Variants in ARHGAP12 observed in about 807,000 individuals in gnomAD.
ARHGAP12 encodes rho GTPase-activating protein 12.
A neutral mutation model predicts 108.6 loss-of-function variants in ARHGAP12; 64 were observed. The ratio of observed to expected loss-of-function variants is 0.59; its 90% CI spans 0.48 to 0.73. ARHGAP12 has a LOEUF of 0.73. Ranked by LOEUF, ARHGAP12 falls within the 30% of genes least tolerant of loss-of-function variation. ARHGAP12 has a pLI of 0.00. For missense variants in ARHGAP12, 940 were observed against 1,005.9 expected, an observed-to-expected ratio of 0.93 and a Z score of 0.89; for synonymous variants, 312 against 337.2, an observed-to-expected ratio of 0.93 and a Z score of 0.82.
Position 31,908,886 on chromosome 10 carries a change from T to C in ARHGAP12, c.-31A>G. 6.5e-7 allele frequency: 1 copy of C among 1,529,438 alleles called. No homozygotes were observed. Among genetic ancestry groups the C allele is most frequent in the Non-Finnish European group, 8.8e-7 (1 of 1,139,582 alleles). The allele number at this position is 1,529,438 out of a possible 1,614,324, so 94.7% of individuals were successfully genotyped here. A position where few individuals can be genotyped will look rare whatever the true frequency, so the allele number is the denominator to read the frequency against. On this transcript the variant is annotated 5_prime_UTR_variant, in exon 3 of 20. It adds an upstream start codon to the 5' untranslated region. Transcript: ENST00000344936. ...AATATTCACCTCTCAAAAAGGATGT[T>C]ATACCACATTATGGCTTTATGGCTT...
chr10:31,866,095 A>C (rs976174794), intron 3 of ARHGAP12, among the ~76,000 whole-genome samples: 7 of 152,206 alleles, frequency 4.6e-5, no homozygotes, highest in African/African-American at 1.4e-4. Flanking sequence ...TATTATTGCA[A>C]TTAACATAAC....
chr10:31,908,192 T>C lies in ARHGAP12; in HGVS notation c.664A>G (p.Ser222Gly). 1 of 1,606,306 alleles carries C rather than the reference T, an allele frequency of 6.2e-7. No homozygotes were observed. Among genetic ancestry groups the C allele is most frequent in the Non-Finnish European group, 8.5e-7 (1 of 1,176,502 alleles). Reference protein sequence around the residue: ...DSESGDELSSSSTEQIRATTP... With the variant: ...DSESGDELSSGSTEQIRATTP... ...CTTACCCTTATCTGTTCAGTGGAGC[T>C]GCTGCTAAGTTCATCACCAGATTCA... The change falls in exon 3 of 20, where the codon AGC (serine) becomes GGC (glycine). Residue 222 changes from serine to glycine, a missense_variant. By Grantham distance (56) the Ser-to-Gly change is moderately conservative. Transcript: ENST00000344936.
At chr10:31,895,689 C>T (rs1838652726) in intron 3 of ARHGAP12, among the ~76,000 whole-genome samples, 1 of 152,164 alleles carries the variant, frequency 6.6e-6, no homozygotes, top group Non-Finnish European at 1.5e-5. Flanking sequence ...GGCGATTCCT[C>T]AAGGATCTAG....
chr10:31,858,326 C>T (rs906162675), intron 4 of ARHGAP12, among the ~76,000 whole-genome samples: 6 of 152,132 alleles, frequency 3.9e-5, no homozygotes, highest in African/African-American at 1.4e-4. Context: ...AATTGAAATA[C>T]AACATATGAC....
At chr10:31,895,102 G>C (rs1838623032) in intron 3 of ARHGAP12, among the ~76,000 whole-genome samples, 1 of 152,186 alleles carries the variant, frequency 6.6e-6, no homozygotes, top group Non-Finnish European at 1.5e-5. Context: ...ATTAATTCAA[G>C]ATGGATTAAA....
intron 1 of ARHGAP12, among the ~76,000 whole-genome samples, chr10:31,911,837 C>T (rs1177312645): frequency 6.6e-6 from 1 of 152,128 alleles, no homozygotes; most frequent in East Asian, 1.9e-4. Context: ...GAATGTGAGA[C>T]ATTCTATTAG....
intron 3 of ARHGAP12, among the ~76,000 whole-genome samples, chr10:31,905,655 A>G (rs1257761466): frequency 6.6e-6 from 1 of 152,190 alleles, no homozygotes; most frequent in East Asian, 1.9e-4. Flanking sequence ...TAAATGCTGA[A>G]AACACTTGAC....
At chr10:31,842,194 G>A (rs954151656) in intron 7 of ARHGAP12, among the ~76,000 whole-genome samples, 11 of 152,178 alleles carry the variant, frequency 7.2e-5, no homozygotes, top group East Asian at 1.9e-4. Context: ...ATTTGTTCTG[G>A]TATGAAGAGG....
At position 31,908,772 on chromosome 10, in the gene ARHGAP12, C is replaced by T; in HGVS notation, c.84G>A (p.Lys28=). The change falls in exon 3 of 20, where the codon AAG becomes AAA. Residue 28 remains lysine (K), a synonymous_variant. Transcript: ENST00000344936. ...CTTGTTTTATCACAATCTTTCTGTC[C>T]TTTGCTTCATATTCATAATCATATT... is the stretch of plus-strand genomic sequence containing the variant. ...EVEYDYEYEA[K]DRKIVIKQGE... 6.2e-7 allele frequency: 1 copy of T among 1,612,990 alleles called. No homozygotes were observed. Among genetic ancestry groups the T allele is most frequent in the South Asian group, 1.1e-5 (1 of 91,080 alleles).
At chr10:31,811,194 T>C (rs1190768415) in intron 15 of ARHGAP12, among the ~76,000 whole-genome samples, 1 of 152,210 alleles carries the variant, frequency 6.6e-6, no homozygotes, top group Non-Finnish European at 1.5e-5. Context: ...ATAAGTTTCA[T>C]GAGGGAGAGG....
chr10:31,905,009 T>C (rs112791173), intron 3 of ARHGAP12, among the ~76,000 whole-genome samples: 386 of 152,150 alleles, frequency 2.5e-3, no homozygotes, highest in African/African-American at 9.0e-3. Context: ...TGATCAGTAG[T>C]GATGTAAGTC....
At chr10:31,841,012 T>G (rs1049129293) in intron 7 of ARHGAP12, among the ~76,000 whole-genome samples, 1 of 152,134 alleles carries the variant, frequency 6.6e-6, no homozygotes, top group African/African-American at 2.4e-5. Context: ...ATGGAAGATC[T>G]GATGATTCAT....
At chr10:31,816,634 C>G (rs1177176186) in intron 13 of ARHGAP12, among the ~76,000 whole-genome samples, 2 of 152,088 alleles carry the variant, frequency 1.3e-5, no homozygotes, top group African/African-American at 4.8e-5. Flanking sequence ...CAGATTGGGC[C>G]TACACCGCTG....
chr10:31,860,385 T>C (rs532607901), intron 4 of ARHGAP12, among the ~76,000 whole-genome samples: 1 of 152,322 alleles, frequency 6.6e-6, no homozygotes, highest in African/African-American at 2.4e-5. Context: ...TTTCACTCTA[T>C]TCTACCAATC....
chr10:31,860,722 T>C (rs1837081374), intron 4 of ARHGAP12, among the ~76,000 whole-genome samples: 1 of 152,140 alleles, frequency 6.6e-6, no homozygotes, highest in African/African-American at 2.4e-5. Flanking sequence ...ACTAAGCCAA[T>C]AGAGAAATAT....
chr10:31,880,497 T>C (rs148119062), intron 3 of ARHGAP12, among the ~76,000 whole-genome samples: 2 of 147,038 alleles, frequency 1.4e-5, no homozygotes, highest in Non-Finnish European at 3.1e-5. Context: ...TTTGTTTAAT[T>C]TAATGGGTTC....
At chr10:31,926,507 C>G (rs1474987297) in intron 1 of ARHGAP12, among the ~76,000 whole-genome samples, 1 of 152,184 alleles carries the variant, frequency 6.6e-6, no homozygotes, top group East Asian at 1.9e-4. Flanking sequence ...TTGTTAAATA[C>G]AGGACAAAAG....
chr10:31,839,785 G>A, intron 7 of ARHGAP12, 74 bp from the exon 8 acceptor site: 15 of 1,242,150 alleles, frequency 1.2e-5, no homozygotes, highest in Non-Finnish European at 1.6e-5. Flanking sequence ...CACAGTGGGA[G>A]AGCTTAGTAA....
chr10:31,847,745 C>T (rs147110472), intron 6 of ARHGAP12, among the ~76,000 whole-genome samples: 5 of 152,168 alleles, frequency 3.3e-5, no homozygotes, highest in Non-Finnish European at 7.4e-5. Context: ...GGGCTCCACC[C>T]CACAGTCTCC....
Sources: gnomAD v4.1 joint callset for allele counts (sites outside exome capture counted in the v4.1 genomes callset) on GRCh38, gnomAD v4.1.1 for gene constraint, MANE v1.5 for transcripts, NCBI Gene and HGNC (gene_info 2026-07-23, HGNC 2026-07-21) for gene names.